Variants in GRIK4 observed in about 807,000 individuals in gnomAD.
GRIK4 encodes the protein glutamate receptor ionotropic, kainate 4.
A neutral mutation model predicts 104.9 loss-of-function variants in GRIK4; 40 were observed. That is an observed-to-expected ratio of 0.38 (90% CI 0.30 to 0.50). The LOEUF (loss-of-function observed/expected upper bound fraction) is 0.50, where lower values mean the gene tolerates loss of function less well. Among genes scored for constraint, GRIK4 ranks in the 20% least tolerant of loss-of-function variants. GRIK4 has a pLI of 0.93. For missense variants in GRIK4, 1,047 were observed against 1,308.1 expected (o/e 0.80, Z 3.08); for synonymous variants, 485 against 524.9 (o/e 0.92, Z 1.04).
intron 10 of GRIK4, among the ~76,000 whole-genome samples, chr11:120,874,668 A>G (rs1954726223): frequency 6.6e-6 from 1 of 152,132 alleles, no homozygotes; most frequent in Non-Finnish European, 1.5e-5. Context: ...TGGGTGAATG[A>G]GGATCTCTAC....
chr11:120,552,860 C>T (rs12278730), intron 1 of GRIK4, among the ~76,000 whole-genome samples: 44,256 of 151,914 alleles, frequency 0.29, 7,168 homozygotes, highest in Admixed American at 0.5. Flanking sequence ...GTTAGCTGGG[C>T]GTGGTGGCAG....
chr11:120,536,784 A>G (rs1253234849), intron 1 of GRIK4, among the ~76,000 whole-genome samples: 1 of 152,204 alleles, frequency 6.6e-6, no homozygotes, highest in African/African-American at 2.4e-5. Context: ...CACCAACAAG[A>G]TGGAATTAAC....
At chr11:120,828,188 T>A (rs4298916) in intron 6 of GRIK4, among the ~76,000 whole-genome samples, 150,756 of 152,344 alleles carry the variant, frequency 0.99, 74,594 homozygotes, top group East Asian at 1. Context: ...TGCACTGGGG[T>A]TATGCAGGGA....
At chr11:120,593,926 A>G (rs1426861271) in intron 1 of GRIK4, among the ~76,000 whole-genome samples, 1 of 151,830 alleles carries the variant, frequency 6.6e-6, no homozygotes, top group Non-Finnish European at 1.5e-5. Context: ...AGTCCTGCCA[A>G]TTTACCTCCA....
At chr11:120,879,921 G>T (rs186387773) in intron 11 of GRIK4, among the ~76,000 whole-genome samples, 1 of 152,294 alleles carries the variant, frequency 6.6e-6, no homozygotes, top group Admixed American at 6.5e-5. Flanking sequence ...ACATCATAAG[G>T]CCCTTAATAT....
At chr11:120,519,871 T>TTTG (rs1463426398) in intron 1 of GRIK4, among the ~76,000 whole-genome samples, 4 of 104,368 alleles carry the variant, frequency 3.8e-5, no homozygotes, top group African/African-American at 1.7e-4. Context: ...ACTGGTTTTT[T>TTTG]TTTTTTTTGT....
At chr11:120,907,485 C>T (rs1346095235) in intron 13 of GRIK4, among the ~76,000 whole-genome samples, 3 of 152,170 alleles carry the variant, frequency 2.0e-5, no homozygotes, top group Non-Finnish European at 4.4e-5. Context: ...GCTTTGGCCT[C>T]ATTGAGACTT....
chr11:120,860,148 A>G (rs1954222701), intron 8 of GRIK4, among the ~76,000 whole-genome samples: 1 of 152,200 alleles, frequency 6.6e-6, no homozygotes, highest in African/African-American at 2.4e-5. Flanking sequence ...GGCTAGTCCT[A>G]GGGTCTGGAA....
At chr11:120,753,297 C>CTG (rs57423619) in intron 3 of GRIK4, among the ~76,000 whole-genome samples, 18,524 of 129,786 alleles carry the variant, frequency 0.14, 1,304 homozygotes, top group Middle Eastern at 0.19. Flanking sequence ...CAACACAACT[C>CTG]TGTGTGTGTG....
chr11:120,681,610 G>A lies in GRIK4; in HGVS notation c.82+21210G>A, dbSNP rs529309319. Among the ~76,000 whole-genome samples the A allele has an allele frequency of 9.3e-4, 141 of 152,344 alleles. 1 individual carries two copies. The highest frequency in any genetic ancestry group is 3.2e-3 in the African/African-American group (132 of 41,590). On this transcript the variant is annotated intron_variant, in intron 3 of 20. Transcript: ENST00000527524. ...TTGATGCATTCGGTGAGGCACAGAG[G>A]CCAAGGCCTGATTTTGGAGAGGGAG...
At chr11:120,638,899 G>T (rs1377974766) in intron 1 of GRIK4, among the ~76,000 whole-genome samples, 8 of 151,958 alleles carry the variant, frequency 5.3e-5, no homozygotes, top group Non-Finnish European at 8.8e-5. Flanking sequence ...CAAGAGCAGG[G>T]GTCAGGCCTG....
At chr11:120,921,610 C>G (rs1591286213) in intron 13 of GRIK4, among the ~76,000 whole-genome samples, 1 of 152,156 alleles carries the variant, frequency 6.6e-6, no homozygotes, top group African/African-American at 2.4e-5. Context: ...CCGCTCCTGC[C>G]TCCACCCTCC....
intron 3 of GRIK4, among the ~76,000 whole-genome samples, chr11:120,718,995 T>A (rs761108155): frequency 7.2e-5 from 11 of 152,210 alleles, no homozygotes; most frequent in Non-Finnish European, 1.5e-4. Context: ...AGGTATAGAA[T>A]CAGGCTTAAA....
At position 120,517,158 on chromosome 11, in the gene GRIK4, G is replaced by A. The variant is rs550447015; in HGVS notation, c.-159+5271G>A. Reference sequence around the variant, plus strand: ...CGAGCGTGGAGCTGCCATCCAAATGGGCAGGGCCTTGTCCGCTTTGTTCAC... The same window carrying A: ...CGAGCGTGGAGCTGCCATCCAAATGAGCAGGGCCTTGTCCGCTTTGTTCAC... On this transcript the variant is annotated intron_variant, in intron 1 of 20. Transcript: ENST00000527524. Among the ~76,000 whole-genome samples the A allele has an allele frequency of 1.2e-4, 18 of 149,396 alleles. 2 individuals carry two copies. The highest frequency in any genetic ancestry group is 4.3e-4 in the African/African-American group (17 of 39,688).
chr11:120,864,341 C>T (rs999368385), intron 9 of GRIK4, among the ~76,000 whole-genome samples: 3 of 151,818 alleles, frequency 2.0e-5, no homozygotes, highest in Non-Finnish European at 4.4e-5. Flanking sequence ...CCCGGGTTCA[C>T]GCCATTCTCC....
chr11:120,554,850 C>T (rs573869537), intron 1 of GRIK4, among the ~76,000 whole-genome samples: 16 of 152,310 alleles, frequency 1.1e-4, no homozygotes, highest in African/African-American at 2.9e-4. Flanking sequence ...TGAGCCACCG[C>T]GCCTGGCCCC....
intron 3 of GRIK4, among the ~76,000 whole-genome samples, chr11:120,773,597 G>A (rs938060680): frequency 6.6e-6 from 1 of 152,182 alleles, no homozygotes; most frequent in Non-Finnish European, 1.5e-5. Flanking sequence ...TATTGTTCAA[G>A]GAAAGATAGG....
Position 120,727,112 on chromosome 11 carries a change from A to G in GRIK4, c.82+66712A>G, listed in dbSNP as rs569276898. Among the ~76,000 whole-genome samples the G allele has an allele frequency of 3.7e-4, 57 of 152,256 alleles. 1 individual carries two copies. The South Asian group carries it at 0.012, about 31-fold the overall frequency. Reference sequence around the variant, plus strand: ...CTGGAAAATGTGATGGGCCAATTTGAGGATAGGAACTGCAGTTGGGAGGGG... The same window carrying G: ...CTGGAAAATGTGATGGGCCAATTTGGGGATAGGAACTGCAGTTGGGAGGGG... On this transcript the variant is annotated intron_variant, in intron 3 of 20. Transcript: ENST00000527524.
intron 6 of GRIK4, among the ~76,000 whole-genome samples, chr11:120,827,044 A>G (rs1953282484): frequency 6.6e-6 from 1 of 152,196 alleles, no homozygotes; most frequent in Non-Finnish European, 1.5e-5. Context: ...ACAATCCGCA[A>G]AGATCAATCT....
Sources: gnomAD v4.1 joint callset for allele counts (sites outside exome capture counted in the v4.1 genomes callset) on GRCh38, gnomAD v4.1.1 for gene constraint, MANE v1.5 for transcripts, NCBI Gene and HGNC (gene_info 2026-07-23, HGNC 2026-07-21) for gene names.